Variants in MMP14 observed in about 807,000 individuals in gnomAD.
MMP14 encodes matrix metalloproteinase-14.
MMP14 carries 13 observed loss-of-function variants against 64.8 expected under a neutral mutation model. That is an observed-to-expected ratio of 0.20 (90% CI 0.13 to 0.32). MMP14 has a LOEUF of 0.32. MMP14 is among the 10% of genes least tolerant of loss of function. MMP14 has a pLI of 1.00. For synonymous variants in MMP14, 322 were observed against 315.9 expected (o/e 1.02, Z -0.20); for missense variants, 594 against 783.8 (o/e 0.76, Z 2.89).
Position 22,845,483 on chromosome 14 carries a change from C to T in MMP14, c.1417+117C>T, listed in dbSNP as rs1198181521. 3 of 872,832 alleles carry T rather than the reference C, an allele frequency of 3.4e-6. No homozygotes were observed. In the African/African-American group the frequency reaches 5.1e-5, roughly 15 times the overall value. 54.1% of individuals were successfully genotyped at this position (872,832 alleles called of 1,614,324 possible). A position where few individuals can be genotyped will look rare whatever the true frequency, so the allele number is the denominator to read the frequency against. ...GAAAACAACGGCGATGATAATACCA[C>T]ATACCAGGCGCTGGGCTAGGTGCTT... On this transcript the variant is annotated intron_variant, in intron 9 of 9. Transcript: ENST00000311852.
chr14:22,838,682 G>A (rs992213135), intron 1 of MMP14, among the ~76,000 whole-genome samples: 2 of 152,138 alleles, frequency 1.3e-5, no homozygotes, highest in African/African-American at 4.8e-5. Context: ...CATGCAGCTG[G>A]GTCCCTCCTA....
chr14:22,842,050 C>T lies in MMP14; in HGVS notation c.380+15C>T. The T allele has an allele frequency of 6.2e-7, 1 of 1,614,090 alleles. No individual in the cohort carries two copies. The highest frequency in any genetic ancestry group is 8.5e-7 in the Non-Finnish European group (1 of 1,179,964). On this transcript the variant is annotated intron_variant, in intron 3 of 9. Transcript: ENST00000311852. The surrounding 1 kb of genome is among the most constrained non-coding windows in gnomAD (Gnocchi z 5.3). The stretch of plus-strand genomic sequence containing the variant: ...ATCACTTTCTGGTGAGTCCAACAGG[C>T]AAGCAACCTTTCTCACATCTGGTTA...
rs1041097052 is a variant in MMP14 at position 22,843,466 on chromosome 14, CT to C, written c.850+49del. On this transcript the variant is annotated intron_variant, in intron 5 of 9. Coordinates refer to ENST00000311852, the MANE Select transcript of MMP14 (RefSeq NM_004995.4). This position sits in a 1 kb window ranked among gnomAD's most constrained non-coding sequence, Gnocchi z 4.8. ...TGCTCCCTCCTCTGCTGCTTGTTCC[CT>C]CCTGGTCTACGCATTTCCCCTCTTT... 2.5e-6 allele frequency: 4 copies of C among 1,585,766 alleles called. No individual in the cohort carries two copies. The African/African-American group carries it at 4.0e-5, about 16-fold the overall frequency.
In MMP14 at chr14:22,842,598, C is replaced by T. The variant is rs1401507378; in HGVS notation, c.569C>T (p.Thr190Met). ...FFAEGFHGDS[T>M]PFDGEGGFLA... ...GCCGAGGGCTTCCATGGCGACAGCA[C>T]GCCCTTCGATGGTGAGGGCGGCTTC... is the stretch of plus-strand genomic sequence containing the variant. Residue 190 changes from threonine to methionine, a missense_variant, in exon 4 of 10, where the codon ACG (threonine) becomes ATG (methionine). Physicochemically the swap from Thr to Met is moderately conservative, Grantham distance 81. Coordinates refer to ENST00000311852, the MANE Select transcript of MMP14 (RefSeq NM_004995.4). The surrounding 1 kb of genome is among the most constrained non-coding windows in gnomAD (Gnocchi z 5.3). The T allele has an allele frequency of 3.7e-6, 6 of 1,614,206 alleles. No individual in the cohort carries two copies. The highest frequency in any genetic ancestry group is 4.5e-5 in the East Asian group (2 of 44,874).
Position 22,844,756 on chromosome 14 carries a change from A to C in MMP14, c.1277A>C (p.Lys426Thr), listed in dbSNP as rs1454477988. The C allele has an allele frequency of 5.6e-6, 9 of 1,613,988 alleles. No individual in the cohort carries two copies. Among genetic ancestry groups the C allele is most frequent in the Non-Finnish European group, 7.6e-6 (9 of 1,180,016 alleles). Reference sequence around the variant, plus strand: ...GCTCTCTTCTGGATGCCCAATGGAAAGACCTACTTCTTCCGTGGAAACAAG... The same window carrying C: ...GCTCTCTTCTGGATGCCCAATGGAACGACCTACTTCTTCCGTGGAAACAAG... ...DAALFWMPNG[K>T]TYFFRGNKYY... The change falls in exon 8 of 10, where the codon AAG (lysine) becomes ACG (threonine). Residue 426 changes from lysine (K) to threonine (T), a missense_variant. By Grantham distance (78) the Lys-to-Thr change is moderately conservative. Around this residue, in one of 4 missense-constraint regions of MMP14, gnomAD observed 364 missense variants for 425.2 expected, o/e 0.86. Transcript: ENST00000311852.
intron 1 of MMP14, among the ~76,000 whole-genome samples, chr14:22,839,286 A>G (rs1282644309): frequency 1.3e-5 from 2 of 152,194 alleles, no homozygotes; most frequent in Non-Finnish European, 2.9e-5. Flanking sequence ...TCCTGCAGGT[A>G]TGCTAGGGGC....
chr14:22,842,256 A>T lies in MMP14; in HGVS notation c.381-154A>T. 1 of 1,039,590 alleles carries T rather than the reference A, an allele frequency of 9.6e-7. No homozygotes were observed. Among genetic ancestry groups the T allele is most frequent in the Non-Finnish European group, 1.4e-6 (1 of 719,378 alleles). 64.4% of individuals were successfully genotyped at this position (1,039,590 alleles called of 1,614,324 possible). ...AGAGCCTGAGGATCCCTTGTTCTTG[A>T]GACAGAGGCGTTGCGCATGAGGTAG... On this transcript the variant is annotated intron_variant, in intron 3 of 9. Transcript: ENST00000311852. This position sits in a 1 kb window ranked among gnomAD's most constrained non-coding sequence, Gnocchi z 5.3.
At chr14:22,840,258 C>A (rs1041114306) in intron 1 of MMP14, among the ~76,000 whole-genome samples, 1 of 152,160 alleles carries the variant, frequency 6.6e-6, no homozygotes, top group South Asian at 2.1e-4. Flanking sequence ...TCAGCCACCA[C>A]GCCCAGCCTG....
chr14:22,845,561 AC>A, intron 9 of MMP14, 146 bp from the exon 10 acceptor site: 4 of 950,392 alleles, frequency 4.2e-6, no homozygotes, highest in African/African-American at 1.6e-5. Context: ...TACTATAAGC[AC>A]CCCCATTTTA....
chr14:22,843,543 T>G lies in MMP14; in HGVS notation c.850+125T>G. The stretch of plus-strand genomic sequence containing the variant: ...CCCTGCCAACCTGCCCCTGCCTCTA[T>G]CAGCTCCACTTTTGAGCCCATCTTT... On this transcript the variant is annotated intron_variant, in intron 5 of 9. Transcript: ENST00000311852. This position sits in a 1 kb window ranked among gnomAD's most constrained non-coding sequence, Gnocchi z 4.8. 3 of 1,402,220 alleles carry G rather than the reference T, an allele frequency of 2.1e-6. No individual in the cohort carries two copies. The South Asian group carries it at 4.0e-5, about 19-fold the overall frequency. The allele number at this position is 1,402,220 out of a possible 1,614,324, so 86.9% of individuals were successfully genotyped here.
Position 22,841,517 on chromosome 14 carries a change from G to T in MMP14, c.135G>T (p.Leu45=), listed in dbSNP as rs1018343408. 4 of 1,613,922 alleles carry T rather than the reference G, an allele frequency of 2.5e-6. No individual in the cohort carries two copies. The highest frequency in any genetic ancestry group is 3.4e-6 in the Non-Finnish European group (4 of 1,179,986). ...PEAWLQQYGY[L]PPGDLRTHTQ... ...CCTGGCTACAGCAATATGGCTACCT[G>T]CCTCCCGGGGACCTACGTACCCACA... The change falls in exon 2 of 10, where the codon CTG becomes CTT. Residue 45 remains leucine (L), a synonymous_variant. Coordinates refer to ENST00000311852, the MANE Select transcript of MMP14 (RefSeq NM_004995.4).
chr14:22,845,443 AGG>A (rs1411875204), intron 9 of MMP14, 77 bp downstream of exon 9: 1 of 1,126,104 alleles, frequency 8.9e-7, no homozygotes, highest in African/African-American at 1.5e-5. Flanking sequence ...GGGAAGCCTG[AGG>A]GAGTGCTGTG....
In MMP14 at chr14:22,847,532, CTTG is replaced by C. The variant is rs2039824375; in HGVS notation, c.*1496_*1498del. On this transcript the variant is annotated 3_prime_UTR_variant, in exon 10 of 10. Transcript: ENST00000311852. The stretch of plus-strand genomic sequence containing the variant: ...GCTGGCAGTTCGGCTAGATTTCTGT[CTTG>C]TTTGTTTTTTTGTTTTGTTTAATGT... 1 of 149,696 alleles carries C rather than the reference CTTG, an allele frequency of 6.7e-6. No individual in the cohort carries two copies. Among genetic ancestry groups the C allele is most frequent in the African/African-American group, 2.5e-5 (1 of 40,498 alleles). 9.3% of individuals were successfully genotyped at this position (149,696 alleles called of 1,614,324 possible). A position where few individuals can be genotyped will look rare whatever the true frequency, so the allele number is the denominator to read the frequency against.
chr14:22,845,355 G>T lies in MMP14; in HGVS notation c.1406G>T (p.Gly469Val). ...GAGTCTCCCAGAGGGTCATTCATGG[G>T]CAGCGATGAAGGTGAGAGGGGCAAG... ...IPESPRGSFMGSDEVFTYFYK... is the reference protein window; with the variant it reads ...IPESPRGSFMVSDEVFTYFYK... Residue 469 changes from glycine to valine, a missense_variant, in exon 9 of 10, where the codon GGC becomes GTC. Gly to Val is a moderately radical substitution (Grantham distance 109, BLOSUM62 -3). This residue lies in a region of MMP14 where 364 missense variants were observed against 425.2 expected (regional missense o/e 0.86). Transcript: ENST00000311852. The T allele has an allele frequency of 1.2e-6, 2 of 1,607,704 alleles. 1 individual carries two copies. Among genetic ancestry groups the T allele is most frequent in the South Asian group, 2.2e-5 (2 of 90,122 alleles).
intron 1 of MMP14, chr14:22,837,224 G>T (rs1480679578): frequency 1.7e-6 from 1 of 583,844 alleles, no homozygotes; most frequent in Middle Eastern, 2.6e-4. Context: ...CCCCTTCCCC[G>T]ATTCCCTTGG....
chr14:22,842,814 G>GTCTCTGTGGTCCCTTCTA lies in MMP14; in HGVS notation c.688+97_688+98insTCTCTGTGGTCCCTTCTA. The GTCTCTGTGGTCCCTTCTA allele has an allele frequency of 3.9e-6, 5 of 1,282,562 alleles. No homozygotes were observed. The highest frequency in any genetic ancestry group is 4.3e-6 in the Non-Finnish European group (4 of 935,690). 79.4% of individuals were successfully genotyped at this position (1,282,562 alleles called of 1,614,324 possible). On this transcript the variant is annotated intron_variant, in intron 4 of 9. Transcript: ENST00000311852. The surrounding 1 kb of genome is among the most constrained non-coding windows in gnomAD (Gnocchi z 5.3). ...CCTTCCAAAATCTCCGGGCTAGAAG[G>GTCTCTGTGGTCCCTTCTA]GACCACAGAGACCTTCTGATCTAAC...
At chr14:22,838,846 C>T (rs1417642260) in intron 1 of MMP14, among the ~76,000 whole-genome samples, 1 of 152,146 alleles carries the variant, frequency 6.6e-6, no homozygotes, top group East Asian at 1.9e-4. Context: ...AGAAACTTGC[C>T]TAGGCCTGGG....
Position 22,845,940 on chromosome 14 carries a change from C to T in MMP14, c.1650C>T (p.Leu550=), listed in dbSNP as rs1272510909. ...AAVVLPVLLL[L]LVLAVGLAVF... Reference sequence around the variant, plus strand: ...TGGTGCTGCCCGTGCTGCTGCTGCTCCTGGTGCTGGCGGTGGGCCTTGCAG... The same window carrying T: ...TGGTGCTGCCCGTGCTGCTGCTGCTTCTGGTGCTGGCGGTGGGCCTTGCAG... The change falls in exon 10 of 10, where the codon CTC becomes CTT. Residue 550 remains leucine, a synonymous_variant. Coordinates refer to ENST00000311852, the MANE Select transcript of MMP14 (RefSeq NM_004995.4). 6.3e-7 allele frequency: 1 copy of T among 1,599,168 alleles called. No individual in the cohort carries two copies. Among genetic ancestry groups the T allele is most frequent in the Non-Finnish European group, 8.5e-7 (1 of 1,172,366 alleles).
chr14:22,845,301 A>G lies in MMP14; in HGVS notation c.1352A>G (p.Lys451Arg). 1 of 1,613,644 alleles carries G rather than the reference A, an allele frequency of 6.2e-7. No homozygotes were observed. The highest frequency in any genetic ancestry group is 1.1e-5 in the South Asian group (1 of 90,966). Residue 451 changes from lysine (K) to arginine (R), a missense_variant, in exon 9 of 10, where the codon AAG becomes AGG. Coordinates refer to ENST00000311852, the MANE Select transcript of MMP14 (RefSeq NM_004995.4). ...ELRAVDSEYPKNIKVWEGIPE... is the reference protein window; with the variant it reads ...ELRAVDSEYPRNIKVWEGIPE... ...AGGGCAGTGGATAGCGAGTACCCCAAGAACATCAAAGTCTGGGAAGGGATC... is the reference window on the plus strand; with the variant it reads ...AGGGCAGTGGATAGCGAGTACCCCAGGAACATCAAAGTCTGGGAAGGGATC...
Sources: allele counts gnomAD v4.1 joint callset (sites outside exome capture counted in the v4.1 genomes callset), GRCh38; gene constraint gnomAD v4.1.1; regional missense constraint gnomAD v4.1.1; non-coding constraint Gnocchi (gnomAD v3.1); transcripts MANE v1.5; gene names NCBI Gene and HGNC (gene_info 2026-07-23, HGNC 2026-07-21).